FTCDNL1: variants seen among roughly 807,000 people sequenced by gnomAD.
FTCDNL1 encodes formiminotransferase cyclodeaminase N-terminal like.
A neutral mutation model predicts 5.9 loss-of-function variants in FTCDNL1; 11 were observed. The observed-to-expected ratio is 1.87, with a 90% confidence interval of 1.18 to 3.10. The LOEUF (loss-of-function observed/expected upper bound fraction) is 3.10. Ranked by LOEUF, FTCDNL1 falls within the 30% of genes most tolerant of loss-of-function variation. FTCDNL1 has a pLI of 0.00. For synonymous variants in FTCDNL1, 58 were observed against 24.8 expected (o/e 2.34, Z -3.99); for missense variants, 115 against 65.5 (o/e 1.76, Z -2.61).
intron 2 of FTCDNL1, among the ~76,000 whole-genome samples, chr2:199,848,408 T>C (rs2076786441): frequency 6.6e-6 from 1 of 152,236 alleles, no homozygotes. Context: ...GCAGGAGTGC[T>C]GGGAAAAGTA....
At chr2:199,738,462 G>T in the FTCDNL1 span, among the ~76,000 whole-genome samples, 1 of 152,142 alleles carries the variant, frequency 6.6e-6, no homozygotes, top group African/African-American at 2.4e-5. Flanking sequence ...ACAAGCAAGG[G>T]TGAAATTACT....
At chr2:199,754,574 G>A in the FTCDNL1 span, among the ~76,000 whole-genome samples, 5 of 152,096 alleles carry the variant, frequency 3.3e-5, no homozygotes, top group Non-Finnish European at 7.3e-5. Context: ...TATTTAAGTC[G>A]TTATTTTAAG....
At chr2:199,734,727 G>C in the FTCDNL1 span, among the ~76,000 whole-genome samples, 1 of 152,120 alleles carries the variant, frequency 6.6e-6, no homozygotes, top group Non-Finnish European at 1.5e-5. Context: ...TTCAGATTTT[G>C]CTTATACTCA....
chr2:199,741,497 T>C, the FTCDNL1 span, among the ~76,000 whole-genome samples: 1 of 152,184 alleles, frequency 6.6e-6, no homozygotes, highest in African/African-American at 2.4e-5. Context: ...TCCCTTTCGA[T>C]TAGGTGACAT....
chr2:199,732,268 T>C, the FTCDNL1 span, among the ~76,000 whole-genome samples: 6 of 152,234 alleles, frequency 3.9e-5, no homozygotes, highest in Admixed American at 2.6e-4. Context: ...AGTCCAAATA[T>C]GAGTTGTCCT....
At chr2:199,722,607 C>T in the FTCDNL1 span, among the ~76,000 whole-genome samples, 1 of 152,104 alleles carries the variant, frequency 6.6e-6, no homozygotes, top group Non-Finnish European at 1.5e-5. Context: ...GTTATAGGGG[C>T]TCTTTTTTGG....
intron 3 of FTCDNL1, among the ~76,000 whole-genome samples, chr2:199,839,628 C>T (rs563836217): frequency 1.4e-4 from 21 of 152,164 alleles, no homozygotes; most frequent in Middle Eastern, 6.8e-3. Flanking sequence ...CAGACCCATA[C>T]AAAAGCACTT....
At chr2:199,773,264 G>A (rs1198594827) in intron 3 of FTCDNL1, among the ~76,000 whole-genome samples, 1 of 152,088 alleles carries the variant, frequency 6.6e-6, no homozygotes, top group African/African-American at 2.4e-5. Context: ...CCAACTATAC[G>A]TATATGCATA....
intron 3 of FTCDNL1, among the ~76,000 whole-genome samples, chr2:199,780,990 CT>C (rs992827165): frequency 6.6e-6 from 1 of 152,228 alleles, no homozygotes; most frequent in African/African-American, 2.4e-5. Context: ...CACACAATCT[CT>C]GCCACAATGT....
downstream of FTCDNL1, among the ~76,000 whole-genome samples, chr2:199,756,881 C>T (rs1698091475): frequency 6.6e-6 from 1 of 152,160 alleles, no homozygotes; most frequent in Non-Finnish European, 1.5e-5. Context: ...GTTCTTCTGG[C>T]ACAGGGAAAG....
chr2:199,725,698 T>C, the FTCDNL1 span, among the ~76,000 whole-genome samples: 1 of 152,164 alleles, frequency 6.6e-6, no homozygotes, highest in Admixed American at 6.5e-5. Flanking sequence ...TCTTTAAGAA[T>C]GTTGAATATT....
the FTCDNL1 span, among the ~76,000 whole-genome samples, chr2:199,723,645 G>C: frequency 6.6e-6 from 1 of 152,076 alleles, no homozygotes; most frequent in Non-Finnish European, 1.5e-5. Flanking sequence ...AGATAATCAT[G>C]TGATTTTTGT....
chr2:199,749,543 TAA>T, the FTCDNL1 span, among the ~76,000 whole-genome samples: 86 of 149,750 alleles, frequency 5.7e-4, no homozygotes, highest in South Asian at 1.7e-3. Context: ...CATCTCCCCC[TAA>T]AAAAAAAAAG....
chr2:199,777,810 T>C (rs112765720), intron 3 of FTCDNL1, among the ~76,000 whole-genome samples: 4 of 152,192 alleles, frequency 2.6e-5, no homozygotes, highest in African/African-American at 9.6e-5. Flanking sequence ...CAGAGGTTCA[T>C]GTGGCCTGAA....
the FTCDNL1 span, among the ~76,000 whole-genome samples, chr2:199,703,170 G>A: frequency 6.6e-6 from 1 of 151,712 alleles, no homozygotes; most frequent in Non-Finnish European, 1.5e-5. Context: ...TCATCATTTA[G>A]CATTAGGTAT....
intron 3 of FTCDNL1, among the ~76,000 whole-genome samples, chr2:199,780,460 G>C (rs1699309090): frequency 2.0e-5 from 3 of 152,104 alleles, no homozygotes; most frequent in African/African-American, 7.2e-5. Flanking sequence ...AACAAGTTCT[G>C]GGATCAGTTT....
chr2:199,761,205 A>T (rs1036985311), intron 3 of FTCDNL1, among the ~76,000 whole-genome samples: 1 of 152,216 alleles, frequency 6.6e-6, no homozygotes, highest in Non-Finnish European at 1.5e-5. Context: ...TGGTAAATGA[A>T]GGCTCATGCC....
the FTCDNL1 span, among the ~76,000 whole-genome samples, chr2:199,678,403 G>A: frequency 2.0e-5 from 3 of 152,098 alleles, no homozygotes; most frequent in Admixed American, 6.5e-5. Flanking sequence ...CTGTAAGATA[G>A]CCCCCTTAGA....
At chr2:199,728,399 A>G in the FTCDNL1 span, among the ~76,000 whole-genome samples, 1 of 151,790 alleles carries the variant, frequency 6.6e-6, no homozygotes, top group African/African-American at 2.4e-5. Context: ...GGCTCCCGCC[A>G]CCATGCCTGG....
Sources: gnomAD v4.1 joint callset for allele counts (sites outside exome capture counted in the v4.1 genomes callset) on GRCh38, gnomAD v4.1.1 for gene constraint, MANE v1.5 for transcripts, NCBI Gene and HGNC (gene_info 2026-07-23, HGNC 2026-07-21) for gene names.